ZNF676: variants seen among roughly 807,000 people sequenced by gnomAD.
ZNF676 encodes the protein zinc finger protein 676.
ZNF676 carries 4 observed loss-of-function variants against 6.0 expected under a neutral mutation model. The ratio of observed to expected loss-of-function variants is 0.67; its 90% CI spans 0.33 to 1.53. The LOEUF (loss-of-function observed/expected upper bound fraction) is 1.53, where lower values mean the gene tolerates loss of function less well. Among genes scored for constraint, ZNF676 ranks in the 40% most tolerant of loss-of-function variants. The pLI is 0.06. For missense variants in ZNF676, 644 were observed against 679.7 expected, an observed-to-expected ratio of 0.95 and a Z score of 0.58; for synonymous variants, 198 against 223.1, an observed-to-expected ratio of 0.89 and a Z score of 1.00.
At chr19:22,253,404 G>GTGTGTATATATATATA in the ZNF676 span, among the ~76,000 whole-genome samples, 221 of 96,966 alleles carry the variant, frequency 2.3e-3, 2 homozygotes, top group Admixed American at 0.016. Flanking sequence ...ATGATAATGT[G>GTGTGTATATATATATA]TATATATATA....
At chr19:22,223,013 T>C in the ZNF676 span, among the ~76,000 whole-genome samples, 2 of 152,152 alleles carry the variant, frequency 1.3e-5, no homozygotes. Context: ...AAACTGTGGA[T>C]TGGAGTTAGA....
At chr19:22,195,936 G>A (rs149533940) in intron 1 of ZNF676, among the ~76,000 whole-genome samples, 2,663 of 152,278 alleles carry the variant, frequency 0.017, 50 homozygotes, top group African/African-American at 0.04. Flanking sequence ...GGCCTGGAGA[G>A]CCTCAATCCT....
chr19:22,185,431 G>A (rs2023823113), intron 2 of ZNF676, among the ~76,000 whole-genome samples: 1 of 149,080 alleles, frequency 6.7e-6, no homozygotes, highest in South Asian at 2.2e-4. Flanking sequence ...CAAAAAGGCT[G>A]AAAATTCCAA....
intron 1 of ZNF676, among the ~76,000 whole-genome samples, chr19:22,213,094 G>A (rs1338699498): frequency 1.3e-5 from 2 of 152,116 alleles, no homozygotes; most frequent in Non-Finnish European, 2.9e-5. Flanking sequence ...GTCAAGTCAG[G>A]TCATCCAATT....
At chr19:22,208,159 C>T (rs998439042) in intron 1 of ZNF676, among the ~76,000 whole-genome samples, 18 of 151,140 alleles carry the variant, frequency 1.2e-4, no homozygotes, top group African/African-American at 4.4e-4. Flanking sequence ...AGTAAAGAGA[C>T]ACCCTACAAA....
At chr19:22,246,230 C>A in the ZNF676 span, among the ~76,000 whole-genome samples, 1 of 152,110 alleles carries the variant, frequency 6.6e-6, no homozygotes, top group Non-Finnish European at 1.5e-5. Context: ...GCAGAAGAGT[C>A]TCATCAACTA....
the ZNF676 span, among the ~76,000 whole-genome samples, chr19:22,254,384 A>G: frequency 6.6e-6 from 1 of 152,172 alleles, no homozygotes; most frequent in Admixed American, 6.5e-5. Flanking sequence ...CACATCTCTT[A>G]GGTGATGGAG....
the ZNF676 span, among the ~76,000 whole-genome samples, chr19:22,221,195 T>C: frequency 6.6e-6 from 1 of 152,166 alleles, no homozygotes; most frequent in African/African-American, 2.4e-5. Flanking sequence ...TTGAACTTTT[T>C]GATGTATGTA....
chr19:22,226,075 A>ATT, the ZNF676 span, among the ~76,000 whole-genome samples: 1 of 151,978 alleles, frequency 6.6e-6, no homozygotes, highest in Non-Finnish European at 1.5e-5. Context: ...TTTTATATCT[A>ATT]AGTATTTTAT....
At chr19:22,203,384 G>A (rs566784625) in intron 1 of ZNF676, 2 of 153,376 alleles carry the variant, frequency 1.3e-5, no homozygotes, top group Non-Finnish European at 2.9e-5. Flanking sequence ...CAATGCATTA[G>A]AGAGAAAAAC....
At chr19:22,244,964 G>A in the ZNF676 span, 1 of 152,146 alleles carries the variant, frequency 6.6e-6, no homozygotes. Context: ...GGAAGAAGTA[G>A]AGAGTCACAT....
chr19:22,180,506 G>A lies in ZNF676; in HGVS notation c.1211C>T (p.Ser404Leu). Residue 404 changes from serine to leucine, a missense_variant, in exon 3 of 3, where the codon TCA (serine) becomes TTA (leucine). Physicochemically the swap from Ser to Leu is moderately radical, Grantham distance 145. Around this residue, in one of 5 missense-constraint regions of ZNF676, gnomAD observed 306 missense variants for 265.4 expected, o/e 1.15. Transcript: ENST00000397121. ...KCEECGKASN[S>L]SSKLMEHKRI... ...CTTATGTTCCATGAGCTTTGAGGAT[G>A]AGTTGGAAGCTTTGCCACATTCTTC... 1 of 1,603,418 alleles carries A rather than the reference G, an allele frequency of 6.2e-7. No individual in the cohort carries two copies. Among genetic ancestry groups the A allele is most frequent in the Non-Finnish European group, 8.5e-7 (1 of 1,177,222 alleles).
At chr19:22,238,366 T>C in the ZNF676 span, among the ~76,000 whole-genome samples, 1 of 152,138 alleles carries the variant, frequency 6.6e-6, no homozygotes, top group Non-Finnish European at 1.5e-5. Flanking sequence ...AAGGTATGTA[T>C]AGAGTCACTA....
upstream of ZNF676, among the ~76,000 whole-genome samples, chr19:22,197,158 A>T (rs1249638256): frequency 6.6e-6 from 1 of 151,992 alleles, no homozygotes; most frequent in Non-Finnish European, 1.5e-5. Context: ...CCCCGTCTCT[A>T]CTAAAAACAC....
chr19:22,208,913 C>T (rs933672267), intron 1 of ZNF676, among the ~76,000 whole-genome samples: 12 of 152,016 alleles, frequency 7.9e-5, no homozygotes, highest in African/African-American at 2.9e-4. Context: ...TGCACTGCAG[C>T]CTGGGAAAGA....
the ZNF676 span, among the ~76,000 whole-genome samples, chr19:22,222,631 C>G: frequency 6.6e-6 from 1 of 151,272 alleles, no homozygotes; most frequent in African/African-American, 2.4e-5. Flanking sequence ...AAAGCCTGTT[C>G]AAGTTTATAT....
chr19:22,253,404 G>GTGTGTATATATATATATATA, the ZNF676 span, among the ~76,000 whole-genome samples: 10 of 97,012 alleles, frequency 1.0e-4, no homozygotes, highest in Admixed American at 8.2e-4. Context: ...ATGATAATGT[G>GTGTGTATATATATATATATA]TATATATATA....
upstream of ZNF676, among the ~76,000 whole-genome samples, chr19:22,199,476 G>A (rs568365588): frequency 3.5e-4 from 54 of 152,300 alleles, no homozygotes; most frequent in South Asian, 6.6e-3. Flanking sequence ...GGTACTATGT[G>A]CTCAATAGGA....
the ZNF676 span, among the ~76,000 whole-genome samples, chr19:22,253,903 T>G: frequency 6.6e-6 from 1 of 152,156 alleles, no homozygotes; most frequent in African/African-American, 2.4e-5. Context: ...ATGTAAAAAA[T>G]AGTAGTCTTT....
Sources: gnomAD v4.1 joint callset for allele counts (sites outside exome capture counted in the v4.1 genomes callset) on GRCh38, gnomAD v4.1.1 for gene constraint, gnomAD v4.1.1 regional missense constraint, MANE v1.5 for transcripts, NCBI Gene and HGNC (gene_info 2026-07-23, HGNC 2026-07-21) for gene names.